Variants in U2AF1L4 observed in about 807,000 individuals in gnomAD.
U2AF1L4 encodes the protein U2 small nuclear RNA auxiliary factor 1 like 4.
A neutral mutation model predicts 21.7 loss-of-function variants in U2AF1L4; 21 were observed. The ratio of observed to expected loss-of-function variants is 0.97; its 90% CI spans 0.69 to 1.39. The LOEUF (loss-of-function observed/expected upper bound fraction) is 1.39. Among genes scored for constraint, U2AF1L4 ranks in the 40% most tolerant of loss-of-function variants. U2AF1L4 has a pLI of 0.00. For missense variants in U2AF1L4, 259 were observed against 245.7 expected, an observed-to-expected ratio of 1.05 and a Z score of -0.36; for synonymous variants, 92 against 89.7, an observed-to-expected ratio of 1.03 and a Z score of -0.15.
At chr19:35,744,656 T>A in intron 2 of U2AF1L4, 1 of 1,536,312 alleles carries the variant, frequency 6.5e-7, no homozygotes, top group Non-Finnish European at 8.7e-7. Flanking sequence ...TGGGCTGTGT[T>A]CTGTGGATTC....
chr19:35,744,059 A>AGACAGCT lies in U2AF1L4; in HGVS notation c.311_317dup (p.Pro107AlafsTer6), dbSNP rs1400766062. ...ATGACTCCCGGAAGTCAGTGACAGG[A>AGACAGCT]GACAGCTCACCGTGCACAGCCTGCC... is the stretch of plus-strand genomic sequence containing the variant. On this transcript the variant is annotated frameshift_variant, in exon 4 of 6. Coordinates refer to ENST00000378975, the MANE Select transcript of U2AF1L4 (RefSeq NM_001040425.3). LOFTEE classifies it high-confidence loss of function. The AGACAGCT allele has an allele frequency of 6.2e-7, 1 of 1,614,042 alleles. No individual in the cohort carries two copies. The highest frequency in any genetic ancestry group is 1.7e-5 in the Admixed American group (1 of 60,020).
At chr19:35,744,546 G>A in intron 2 of U2AF1L4, 125 bp from the exon 3 acceptor site, 1 of 1,582,210 alleles carries the variant, frequency 6.3e-7, no homozygotes, top group Non-Finnish European at 8.6e-7. Context: ...ATGACCTGGG[G>A]TGGGGGCGGG....
Position 35,743,824 on chromosome 19 carries a change from C to G in U2AF1L4, c.446G>C (p.Arg149Pro), listed in dbSNP as rs545966367. The G allele has an allele frequency of 2.2e-5, 36 of 1,611,712 alleles. No homozygotes were observed. The highest frequency in any genetic ancestry group is 3.0e-5 in the Non-Finnish European group (35 of 1,179,014). ...SQNLQRQLYG[R>P]GPRRRSPPRF... ...CCTGAGGTACCTGCGCCTGGGTCCC[C>G]GCCCATAGAGCTGCCTCTGGAGGTT... The change falls in exon 5 of 6, where the codon CGG becomes CCG. Residue 149 changes from arginine to proline, a missense_variant. Transcript: ENST00000378975.
At position 35,744,315 on chromosome 19, in the gene U2AF1L4, G is replaced by C. The variant is rs765509678; in HGVS notation, c.231+8C>G. 1.1e-5 allele frequency: 18 copies of C among 1,613,908 alleles called. No homozygotes were observed. Among genetic ancestry groups the C allele is most frequent in the Non-Finnish European group, 1.4e-5 (17 of 1,179,950 alleles). ...ACTTCTGGGCCCTAAGTGGGGGGCA[G>C]CAAGCACCTTGACATAGACGTTGCC... On this transcript the variant is annotated splice_region_variant and intron_variant, in intron 3 of 5. Transcript: ENST00000378975.
In U2AF1L4 at chr19:35,742,650, G is replaced by T; in HGVS notation, c.*69C>A. The stretch of plus-strand genomic sequence containing the variant: ...AAGGATGGGGCAGGAGAGTGAAGGG[G>T]GCTTTGAGGAGAGGTCCTGCCAGGA... On this transcript the variant is annotated 3_prime_UTR_variant, in exon 6 of 6. Coordinates refer to ENST00000378975, the MANE Select transcript of U2AF1L4 (RefSeq NM_001040425.3). 1 of 1,613,538 alleles carries T rather than the reference G, an allele frequency of 6.2e-7. No individual in the cohort carries two copies. The highest frequency in any genetic ancestry group is 8.5e-7 in the Non-Finnish European group (1 of 1,179,924).
chr19:35,744,470 T>G, intron 2 of U2AF1L4, 49 bp from the exon 3 acceptor site: 1 of 1,613,482 alleles, frequency 6.2e-7, no homozygotes, highest in Non-Finnish European at 8.5e-7. Context: ...AGAAACCCCA[T>G]CTGCCCCTAC....
Position 35,744,430 on chromosome 19 carries a change from G to A in U2AF1L4, c.133-9C>T, listed in dbSNP as rs915082707. On this transcript the variant is annotated splice_polypyrimidine_tract_variant and intron_variant, in intron 2 of 5. Coordinates refer to ENST00000378975, the MANE Select transcript of U2AF1L4 (RefSeq NM_001040425.3). ...AGTTCTGTGAACACCTCCTGTGGAA[G>A]ACGGGGAGGAACTCAGCTGAGCTCC... The A allele has an allele frequency of 6.2e-7, 1 of 1,614,086 alleles. No individual in the cohort carries two copies. The highest frequency in any genetic ancestry group is 8.5e-7 in the Non-Finnish European group (1 of 1,179,978).
In U2AF1L4 at chr19:35,743,904, C is replaced by G. The variant is rs1308368670; in HGVS notation, c.366G>C (p.Gly122=). The G allele has an allele frequency of 6.2e-7, 1 of 1,613,522 alleles. No individual in the cohort carries two copies. The highest frequency in any genetic ancestry group is 1.7e-5 in the Admixed American group (1 of 59,958). Reference sequence around the variant, plus strand: ...TGCAGAAGCCACCTCGGGTACATTCCCTGCATAGAGGGTAGAGAGATGGAG... The same window carrying G: ...TGCAGAAGCCACCTCGGGTACATTCGCTGCATAGAGGGTAGAGAGATGGAG... ...RESCCRQYEM[G]ECTRGGFCNF... Residue 122 remains glycine (G), a splice_region_variant and synonymous_variant, in exon 5 of 6, where the codon GGG becomes GGC. Coordinates refer to ENST00000378975, the MANE Select transcript of U2AF1L4 (RefSeq NM_001040425.3).
chr19:35,744,546 G>C (rs1278800781), intron 2 of U2AF1L4, 125 bp from the exon 3 acceptor site: 1 of 1,582,210 alleles, frequency 6.3e-7, no homozygotes, highest in East Asian at 2.3e-5. Context: ...ATGACCTGGG[G>C]TGGGGGCGGG....
rs566136339 is a variant in U2AF1L4, at chr19:35,745,264, C to T, written c.45-52G>A. 6.9e-6 allele frequency: 11 copies of T among 1,603,128 alleles called. 1 individual carries two copies. The East Asian group carries it at 2.2e-4, about 33-fold the overall frequency. On this transcript the variant is annotated intron_variant, in intron 1 of 5. Coordinates refer to ENST00000378975, the MANE Select transcript of U2AF1L4 (RefSeq NM_001040425.3). Reference sequence around the variant, plus strand: ...AACCGAGGGCCGGGGAAGCTGGGCACCCCAGAAACACCGCCCCACCACCCA... The same window carrying T: ...AACCGAGGGCCGGGGAAGCTGGGCATCCCAGAAACACCGCCCCACCACCCA...
At position 35,743,842 on chromosome 19, in the gene U2AF1L4, T is replaced by A; in HGVS notation, c.428A>T (p.Gln143Leu). ...GGGTCCCCGCCCATAGAGCTGCCTC[T>A]GGAGGTTCTGGGAAATGGGCCGCAG... Reference protein sequence around the residue: ...MHLRPISQNLQRQLYGRGPRR... With the variant: ...MHLRPISQNLLRQLYGRGPRR... Residue 143 changes from glutamine to leucine, a missense_variant, in exon 5 of 6, where the codon CAG (glutamine) becomes CTG (leucine). Coordinates refer to ENST00000378975, the MANE Select transcript of U2AF1L4 (RefSeq NM_001040425.3). The A allele has an allele frequency of 6.2e-7, 1 of 1,613,248 alleles. No individual in the cohort carries two copies. Among genetic ancestry groups the A allele is most frequent in the East Asian group, 2.2e-5 (1 of 44,846 alleles).
intron 5 of U2AF1L4, chr19:35,743,188 C>A: frequency 6.8e-6 from 2 of 294,894 alleles, no homozygotes; most frequent in Non-Finnish European, 1.3e-5. Flanking sequence ...GGCTGGCCAA[C>A]GTGGTGAAAC....
intron 2 of U2AF1L4, chr19:35,744,635 C>G: frequency 1.3e-6 from 2 of 1,536,554 alleles, no homozygotes. Context: ...CAGTGTGATC[C>G]GTCTGCAGTT....
chr19:35,744,347 G>A lies in U2AF1L4; in HGVS notation c.207C>T (p.His69=). The A allele has an allele frequency of 2.5e-6, 4 of 1,614,126 alleles. No individual in the cohort carries two copies. The highest frequency in any genetic ancestry group is 2.5e-6 in the Non-Finnish European group (3 of 1,180,036). Residue 69 remains histidine (H), a synonymous_variant, in exon 3 of 6, where the codon CAC becomes CAT. Coordinates refer to ENST00000378975, the MANE Select transcript of U2AF1L4 (RefSeq NM_001040425.3). The part of the protein sequence containing the change: ...EMNVCDNLGD[H]LVGNVYVKFR... ...CCTTGACATAGACGTTGCCCACGAG[G>A]TGGTCCCCAAGGTTGTCGCACACAT...
At position 35,743,867 on chromosome 19, in the gene U2AF1L4, G is replaced by T; in HGVS notation, c.403C>A (p.Leu135Met). The change falls in exon 5 of 6, where the codon CTG becomes ATG. Residue 135 changes from leucine to methionine, a missense_variant. By Grantham distance (15) the Leu-to-Met change is conservative. Coordinates refer to ENST00000378975, the MANE Select transcript of U2AF1L4 (RefSeq NM_001040425.3). ...TRGGFCNFMHLRPISQNLQRQ... is the reference protein window; with the variant it reads ...TRGGFCNFMHMRPISQNLQRQ... ...TGGAGGTTCTGGGAAATGGGCCGCA[G>T]ATGCATGAAGTTGCAGAAGCCACCT... 1.9e-6 allele frequency: 3 copies of T among 1,613,688 alleles called. No individual in the cohort carries two copies. The highest frequency in any genetic ancestry group is 2.5e-6 in the Non-Finnish European group (3 of 1,179,826).
At chr19:35,744,215 G>A in intron 3 of U2AF1L4, 70 bp from the exon 4 acceptor site, 1 of 1,605,404 alleles carries the variant, frequency 6.2e-7, no homozygotes, top group Non-Finnish European at 8.5e-7. Flanking sequence ...ACCCGCTCTG[G>A]GGCTGGACTG....
intron 2 of U2AF1L4, 58 bp from the exon 3 acceptor site, chr19:35,744,479 A>G: frequency 6.2e-7 from 1 of 1,611,842 alleles, no homozygotes; most frequent in Non-Finnish European, 8.5e-7. Context: ...ATCTGCCCCT[A>G]CCAACCCTCA....
Position 35,744,548 on chromosome 19 carries a change from G to T in U2AF1L4, c.133-127C>A, listed in dbSNP as rs572402483. ...CCACGTCACTCACATGACCTGGGGT[G>T]GGGGCGGGCAGGGTGGAATCAGAGT... is the stretch of plus-strand genomic sequence containing the variant. On this transcript the variant is annotated intron_variant, in intron 2 of 5. Coordinates refer to ENST00000378975, the MANE Select transcript of U2AF1L4 (RefSeq NM_001040425.3). 10 of 1,580,558 alleles carry T rather than the reference G, an allele frequency of 6.3e-6. No individual in the cohort carries two copies. The East Asian group carries it at 6.8e-5, about 11-fold the overall frequency.
At position 35,745,013 on chromosome 19, in the gene U2AF1L4, G is replaced by C. The variant is rs868812596; in HGVS notation, c.132+112C>G. 5 of 1,071,284 alleles carry C rather than the reference G, an allele frequency of 4.7e-6. No homozygotes were observed. In the Admixed American group the frequency reaches 7.5e-5, roughly 16 times the overall value. The allele number at this position is 1,071,284 out of a possible 1,614,324, so 66.4% of individuals were successfully genotyped here. A position where few individuals can be genotyped will look rare whatever the true frequency, so the allele number is the denominator to read the frequency against. ...AAAGGTCCAATGAGAAAAAAAGCCG[G>C]GCGGTGGGGAGGGACTCAGGAACCC... is the stretch of plus-strand genomic sequence containing the variant. On this transcript the variant is annotated intron_variant, in intron 2 of 5. Coordinates refer to ENST00000378975, the MANE Select transcript of U2AF1L4 (RefSeq NM_001040425.3).
Sources: allele counts gnomAD v4.1 joint callset, GRCh38; gene constraint gnomAD v4.1.1; transcripts MANE v1.5; gene names NCBI Gene and HGNC (gene_info 2026-07-23, HGNC 2026-07-21).